CLEC16A: variants seen among roughly 807,000 people sequenced by gnomAD.
The protein encoded by CLEC16A is C-type lectin domain containing 16A.
In CLEC16A, 51 loss-of-function variants were observed where a neutral mutation model predicts 109.5. The observed-to-expected ratio is 0.47, with a 90% CI of 0.37 to 0.59. CLEC16A has a LOEUF of 0.59. Among genes scored for constraint, CLEC16A ranks in the 20% least tolerant of loss-of-function variants. The probability of loss-of-function intolerance (pLI) is 0.00; values close to 1 mark genes in which losing one functional copy is unlikely to be tolerated. For missense variants in CLEC16A, 1,339 were observed against 1,394.0 expected, an observed-to-expected ratio of 0.96 and a Z score of 0.63; for synonymous variants, 673 against 564.2, an observed-to-expected ratio of 1.19 and a Z score of -2.73.
intron 10 of CLEC16A, among the ~76,000 whole-genome samples, chr16:10,990,414 AG>A (rs1167774270): frequency 6.6e-6 from 1 of 152,200 alleles, no homozygotes; most frequent in Non-Finnish European, 1.5e-5. Context: ...CTGGGGCAGA[AG>A]GTGGGCTGGA....
intron 10 of CLEC16A, among the ~76,000 whole-genome samples, chr16:10,998,789 G>C (rs1268345911): frequency 6.6e-6 from 1 of 152,120 alleles, no homozygotes; most frequent in Non-Finnish European, 1.5e-5. Context: ...AGGCACCGTG[G>C]GGTAGAGATG....
intron 19 of CLEC16A, among the ~76,000 whole-genome samples, chr16:11,089,074 G>C (rs1483377157): frequency 6.6e-6 from 1 of 152,160 alleles, no homozygotes; most frequent in Non-Finnish European, 1.5e-5. Flanking sequence ...TCTGGACCAA[G>C]CTCTTCGCAC....
intron 20 of CLEC16A, among the ~76,000 whole-genome samples, chr16:11,123,397 G>C (rs966330673): frequency 6.6e-6 from 1 of 152,214 alleles, no homozygotes; most frequent in African/African-American, 2.4e-5. Flanking sequence ...TCAGAAGTAA[G>C]AGTTTGCCTG....
intron 22 of CLEC16A, among the ~76,000 whole-genome samples, chr16:11,159,509 T>C (rs2054645529): frequency 6.6e-6 from 1 of 152,246 alleles, no homozygotes; most frequent in South Asian, 2.1e-4. Context: ...CCCGAGCAGT[T>C]CCATTTTCAT....
In CLEC16A at chr16:11,180,092, C is replaced by T. The variant is rs2141065527; in HGVS notation, c.*1402C>T. 6.6e-6 allele frequency: 1 copy of T among 152,470 alleles called. No homozygotes were observed. Among genetic ancestry groups the T allele is most frequent in the African/African-American group, 2.4e-5 (1 of 41,592 alleles). The allele number at this position is 152,470 out of a possible 1,614,324, so 9.4% of individuals were successfully genotyped here. On this transcript the variant is annotated 3_prime_UTR_variant, in exon 24 of 24. Coordinates refer to ENST00000409790, the MANE Select transcript of CLEC16A (RefSeq NM_015226.3). ...TGCCAGCAGATGTGCCCACCAGGGG[C>T]ATTAGGTATCCGCCGGAGCCTGGCC...
intron 22 of CLEC16A, among the ~76,000 whole-genome samples, chr16:11,141,280 C>A (rs2053814439): frequency 6.6e-6 from 1 of 152,270 alleles, no homozygotes; most frequent in African/African-American, 2.4e-5. Flanking sequence ...AAGTCACCAT[C>A]TCTGGCATGG....
intron 12 of CLEC16A, among the ~76,000 whole-genome samples, chr16:11,020,598 G>A (rs1200406647): frequency 2.0e-5 from 3 of 152,230 alleles, no homozygotes; most frequent in Non-Finnish European, 4.4e-5. Context: ...GCTTGGCTCT[G>A]TCTAAAGGAC....
chr16:11,153,896 C>G (rs2054396653), intron 22 of CLEC16A, among the ~76,000 whole-genome samples: 1 of 152,152 alleles, frequency 6.6e-6, no homozygotes, highest in Admixed American at 6.5e-5. Flanking sequence ...AAGAGAGCAA[C>G]CTAGCCCATT....
intron 9 of CLEC16A, among the ~76,000 whole-genome samples, chr16:10,980,603 C>G (rs761269216): frequency 2.0e-5 from 3 of 152,068 alleles, no homozygotes; most frequent in Non-Finnish European, 1.5e-5. Flanking sequence ...AGAGTTAGGA[C>G]TTTTCTCTGA....
chr16:10,966,362 G>T (rs1215003874), intron 3 of CLEC16A, among the ~76,000 whole-genome samples: 1 of 152,194 alleles, frequency 6.6e-6, no homozygotes, highest in Non-Finnish European at 1.5e-5. Context: ...GGCAAAACGA[G>T]TCTGATGTGC....
At chr16:11,076,059 T>C (rs1448026072) in intron 19 of CLEC16A, among the ~76,000 whole-genome samples, 1 of 138,396 alleles carries the variant, frequency 7.2e-6, no homozygotes, top group Non-Finnish European at 1.6e-5. Flanking sequence ...TGCCTTTAGC[T>C]CCCCTGCAGC....
intron 23 of CLEC16A, among the ~76,000 whole-genome samples, chr16:11,168,744 C>T (rs539473476): frequency 5.9e-5 from 9 of 152,376 alleles, no homozygotes; most frequent in African/African-American, 2.2e-4. Context: ...TAGGGATGGG[C>T]CTAACCAGAT....
intron 22 of CLEC16A, among the ~76,000 whole-genome samples, chr16:11,158,599 C>T (rs1427881459): frequency 6.6e-6 from 1 of 152,142 alleles, no homozygotes; most frequent in Admixed American, 6.5e-5. Flanking sequence ...AAGGAGGCCC[C>T]AAGGTATGAC....
chr16:10,989,733 C>G (rs2043886832), intron 10 of CLEC16A, among the ~76,000 whole-genome samples: 1 of 152,156 alleles, frequency 6.6e-6, no homozygotes, highest in African/African-American at 2.4e-5. Context: ...AGTAGCAGGA[C>G]TCTCTGCCCA....
intron 19 of CLEC16A, among the ~76,000 whole-genome samples, chr16:11,100,558 C>G (rs891626483): frequency 4.6e-5 from 7 of 152,148 alleles, no homozygotes; most frequent in Non-Finnish European, 1.5e-5. Flanking sequence ...GGGACTTGGA[C>G]CTGACTCACT....
intron 14 of CLEC16A, chr16:11,041,579 C>T (rs1045289394): frequency 6.6e-6 from 1 of 152,236 alleles, no homozygotes; most frequent in Non-Finnish European, 1.5e-5. Flanking sequence ...TTTGAACAGT[C>T]TAGTTGGAAG....
chr16:11,177,457 G>C (rs564382461), intron 23 of CLEC16A, among the ~76,000 whole-genome samples: 1 of 152,050 alleles, frequency 6.6e-6, no homozygotes, highest in Non-Finnish European at 1.5e-5. Context: ...AAAATTAGCC[G>C]GATGTGGTGG....
At chr16:11,010,932 A>T (rs140720436) in intron 11 of CLEC16A, among the ~76,000 whole-genome samples, 1 of 151,920 alleles carries the variant, frequency 6.6e-6, no homozygotes, top group Non-Finnish European at 1.5e-5. Flanking sequence ...TGTCCTTGTG[A>T]TTAGACTGAG....
At position 11,178,883 on chromosome 16, in the gene CLEC16A, C is replaced by G. The variant is rs76284850; in HGVS notation, c.*193C>G. On this transcript the variant is annotated 3_prime_UTR_variant, in exon 24 of 24. Coordinates refer to ENST00000409790, the MANE Select transcript of CLEC16A (RefSeq NM_015226.3). The surrounding 1 kb of genome is among the most constrained non-coding windows in gnomAD (Gnocchi z 6.5). ...CTTGAATTCCTTTTTCACTTTGCAT[C>G]TCTTCACGTGCAGGCTGGGACCAGC... is the stretch of plus-strand genomic sequence containing the variant. 7 of 545,464 alleles carry G rather than the reference C, an allele frequency of 1.3e-5. No individual in the cohort carries two copies. The South Asian group carries it at 1.7e-4, about 13-fold the overall frequency. The allele number at this position is 545,464 out of a possible 1,614,324, so 33.8% of individuals were successfully genotyped here. A position where few individuals can be genotyped will look rare whatever the true frequency, so the allele number is the denominator to read the frequency against.
Sources: allele counts gnomAD v4.1 joint callset (sites outside exome capture counted in the v4.1 genomes callset), GRCh38; gene constraint gnomAD v4.1.1; non-coding constraint Gnocchi (gnomAD v3.1); transcripts MANE v1.5; gene names NCBI Gene and HGNC (gene_info 2026-07-23, HGNC 2026-07-21).